Variants in CYB5R4 observed in about 807,000 individuals in gnomAD.
CYB5R4 encodes N-terminal cytochrome b5 and cytochrome b5 oxidoreductase domain-containing protein.
A neutral mutation model predicts 70.2 loss-of-function variants in CYB5R4; 55 were observed. The observed-to-expected ratio is 0.78, with a 90% confidence interval of 0.63 to 0.98. CYB5R4 has a LOEUF of 0.98. Among genes scored for constraint, CYB5R4 ranks in the 50% least tolerant of loss-of-function variants. The probability of loss-of-function intolerance (pLI) is 0.00; values close to 1 mark genes in which losing one functional copy is unlikely to be tolerated. For synonymous variants in CYB5R4, 197 were observed against 199.5 expected (o/e 0.99, Z 0.11); for missense variants, 562 against 612.6 (o/e 0.92, Z 0.87).
intron 2 of CYB5R4, among the ~76,000 whole-genome samples, chr6:83,887,895 A>G (rs2099460504): frequency 6.6e-6 from 1 of 152,134 alleles, no homozygotes; most frequent in African/African-American, 2.4e-5. Flanking sequence ...TCAATGATCT[A>G]AAAATACCAG....
At chr6:83,925,844 C>T (rs2099467194) in intron 10 of CYB5R4, among the ~76,000 whole-genome samples, 1 of 151,932 alleles carries the variant, frequency 6.6e-6, no homozygotes, top group African/African-American at 2.4e-5. Flanking sequence ...CAGTTTTGTC[C>T]TTTTGTTCTA....
At chr6:83,884,157 A>G (rs1331413847) in intron 2 of CYB5R4, among the ~76,000 whole-genome samples, 1 of 151,958 alleles carries the variant, frequency 6.6e-6, no homozygotes, top group South Asian at 2.1e-4. Flanking sequence ...ATGATAGTTT[A>G]TAATAATTAT....
At chr6:83,898,553 G>T (rs1459107648) in intron 3 of CYB5R4, among the ~76,000 whole-genome samples, 1 of 152,144 alleles carries the variant, frequency 6.6e-6, no homozygotes, top group African/African-American at 2.4e-5. Context: ...ATTACCTTGG[G>T]CAGTATGGCC....
At chr6:83,954,168 TC>T (rs1402388917) in intron 14 of CYB5R4, among the ~76,000 whole-genome samples, 4 of 152,276 alleles carry the variant, frequency 2.6e-5, no homozygotes, top group African/African-American at 9.6e-5. Context: ...GAGAGAGTAT[TC>T]CACAGGAATT....
At chr6:83,893,644 C>G in intron 3 of CYB5R4, 22 bp downstream of exon 3, 1 of 1,357,090 alleles carries the variant, frequency 7.4e-7, no homozygotes, top group Non-Finnish European at 1.0e-6. Flanking sequence ...TGAAAGTAAC[C>G]AAAGTATTCC....
At chr6:83,925,535 C>T (rs1324078224) in intron 10 of CYB5R4, among the ~76,000 whole-genome samples, 3 of 152,176 alleles carry the variant, frequency 2.0e-5, no homozygotes, top group African/African-American at 7.2e-5. Context: ...AAGTGCTCTA[C>T]TTGATGATAC....
At chr6:83,918,157 A>T in intron 6 of CYB5R4, 92 bp downstream of exon 6, 2 of 895,476 alleles carry the variant, frequency 2.2e-6, no homozygotes, top group African/African-American at 1.7e-5. Flanking sequence ...GGTTTGATTT[A>T]TTGCTTACTG....
At chr6:83,886,178 G>A (rs1173054839) in intron 2 of CYB5R4, among the ~76,000 whole-genome samples, 1 of 152,124 alleles carries the variant, frequency 6.6e-6, no homozygotes, top group Non-Finnish European at 1.5e-5. Context: ...AGGGGGCTGA[G>A]CATGCAAGCT....
At position 83,864,459 on chromosome 6, in the gene CYB5R4, A is replaced by C. The variant is rs370977232; in HGVS notation, c.229+131A>C. On this transcript the variant is annotated intron_variant, in intron 2 of 15. Coordinates refer to ENST00000369681, the MANE Select transcript of CYB5R4 (RefSeq NM_016230.4). The stretch of plus-strand genomic sequence containing the variant: ...AAAAATATGCCTTGTGCTTGACAAT[A>C]ACTTATATAATTCTGACTTTGGATA... 3.9e-5 allele frequency: 28 copies of C among 713,388 alleles called. 1 individual carries two copies. The highest frequency in any genetic ancestry group is 4.2e-4 in the Middle Eastern group (1 of 2,358). The allele number at this position is 713,388 out of a possible 1,614,324, so 44.2% of individuals were successfully genotyped here. A position where few individuals can be genotyped will look rare whatever the true frequency, so the allele number is the denominator to read the frequency against.
chr6:83,935,794 C>T (rs1404284085), intron 11 of CYB5R4, among the ~76,000 whole-genome samples: 2 of 152,000 alleles, frequency 1.3e-5, no homozygotes, highest in Non-Finnish European at 2.9e-5. Context: ...GCCAAATGAT[C>T]CCATTGGTCA....
At chr6:83,950,933 C>T (rs2099471422) in intron 14 of CYB5R4, among the ~76,000 whole-genome samples, 1 of 152,024 alleles carries the variant, frequency 6.6e-6, no homozygotes, top group Non-Finnish European at 1.5e-5. Context: ...AGAATATTTT[C>T]AACAGGTGGT....
rs773500989 is a variant in CYB5R4 at position 83,940,198 on chromosome 6, C to T, written c.1251C>T (p.Pro417=). The T allele has an allele frequency of 7.5e-6, 12 of 1,603,580 alleles. No individual in the cohort carries two copies. The South Asian group carries it at 9.0e-5, about 12-fold the overall frequency. The part of the protein sequence containing the change: ...KILNYALTDI[P]SLRKVKLMFF... The stretch of plus-strand genomic sequence containing the variant: ...TGAATTATGCTTTGACTGATATACC[C>T]AGTCTCAGGTATGTAATTTTGTCTC... Residue 417 remains proline, a synonymous_variant, in exon 13 of 16, where the codon CCC becomes CCT. Transcript: ENST00000369681.
At chr6:83,897,276 T>C (rs774225879) in intron 3 of CYB5R4, among the ~76,000 whole-genome samples, 14 of 152,212 alleles carry the variant, frequency 9.2e-5, no homozygotes, top group African/African-American at 3.1e-4. Context: ...TTCCATGGTG[T>C]ATAGGTGCCA....
At chr6:83,861,431 G>A (rs1216271522) in intron 1 of CYB5R4, among the ~76,000 whole-genome samples, 1 of 152,216 alleles carries the variant, frequency 6.6e-6, no homozygotes, top group Admixed American at 6.5e-5. Flanking sequence ...TATACAAAAG[G>A]TTCTCAAATA....
chr6:83,868,485 G>T (rs1378380641), intron 2 of CYB5R4, among the ~76,000 whole-genome samples: 1 of 152,120 alleles, frequency 6.6e-6, no homozygotes, highest in Non-Finnish European at 1.5e-5. Flanking sequence ...AGTTTGGAAT[G>T]ATCTCTAAGA....
chr6:83,917,223 G>C (rs980915317), intron 5 of CYB5R4, among the ~76,000 whole-genome samples: 1 of 152,074 alleles, frequency 6.6e-6, no homozygotes, highest in Admixed American at 6.6e-5. Context: ...AATGGGAAAA[G>C]ACAGAAGACC....
chr6:83,923,594 C>T (rs2099466771), intron 9 of CYB5R4, among the ~76,000 whole-genome samples: 1 of 152,054 alleles, frequency 6.6e-6, no homozygotes, highest in African/African-American at 2.4e-5. Flanking sequence ...CATATGAAAG[C>T]ACATATTTTA....
At chr6:83,908,118 T>C (rs932794682) in intron 3 of CYB5R4, among the ~76,000 whole-genome samples, 5 of 152,258 alleles carry the variant, frequency 3.3e-5, no homozygotes, top group Middle Eastern at 3.4e-3. Context: ...CATCCTCTTT[T>C]CTCCGCAACC....
chr6:83,893,702 G>A (rs2099461459), intron 3 of CYB5R4, 80 bp downstream of exon 3: 6 of 800,396 alleles, frequency 7.5e-6, no homozygotes, highest in Non-Finnish European at 1.0e-5. Context: ...TAGAAAGAAA[G>A]GAAATAGTTG....
Sources: gnomAD v4.1 joint callset for allele counts (sites outside exome capture counted in the v4.1 genomes callset) on GRCh38, gnomAD v4.1.1 for gene constraint, MANE v1.5 for transcripts, NCBI Gene and HGNC (gene_info 2026-07-23, HGNC 2026-07-21) for gene names.